The following PBX2 variants were observed in gnomAD, a reference collection of about 807,000 sequenced individuals.
PBX2 encodes the protein PBX homeobox 2.
PBX2 carries 10 observed loss-of-function variants against 46.5 expected under a neutral mutation model. The observed-to-expected ratio is 0.21, with a 90% confidence interval of 0.13 to 0.36. The LOEUF (loss-of-function observed/expected upper bound fraction) is 0.36. Ranked by LOEUF, PBX2 falls within the 10% of genes least tolerant of loss-of-function variation. PBX2 has a pLI of 1.00. For missense variants in PBX2, 392 were observed against 580.5 expected, an observed-to-expected ratio of 0.68 and a Z score of 3.34; for synonymous variants, 160 against 222.5, an observed-to-expected ratio of 0.72 and a Z score of 2.50.
Position 32,188,839 on chromosome 6 carries a change from T to G in PBX2, c.222-43A>C. 2 of 1,566,978 alleles carry G rather than the reference T, an allele frequency of 1.3e-6. No homozygotes were observed. Among genetic ancestry groups the G allele is most frequent in the South Asian group, 1.1e-5 (1 of 90,056 alleles). On this transcript the variant is annotated intron_variant, in intron 1 of 8. Coordinates refer to ENST00000375050, the MANE Select transcript of PBX2 (RefSeq NM_002586.5). This position sits in a 1 kb window ranked among gnomAD's most constrained non-coding sequence, Gnocchi z 6.5. Reference sequence around the variant, plus strand: ...TGGGGAAAGAGAAAAGTTGAGGAGCTAGAGAAACAGAGCAGGGGGCCTGAG... The same window carrying G: ...TGGGGAAAGAGAAAAGTTGAGGAGCGAGAGAAACAGAGCAGGGGGCCTGAG...
chr6:32,187,466 G>T lies in PBX2; in HGVS notation c.871-71C>A. ...GTCCTTCACTGAATAAGATGTGAGT[G>T]ACAGCATTTTTTTTTTTTTTGCTTC... is the stretch of plus-strand genomic sequence containing the variant. On this transcript the variant is annotated intron_variant, in intron 5 of 8. Coordinates refer to ENST00000375050, the MANE Select transcript of PBX2 (RefSeq NM_002586.5). This position sits in a 1 kb window ranked among gnomAD's most constrained non-coding sequence, Gnocchi z 7.7. 1 of 1,523,998 alleles carries T rather than the reference G, an allele frequency of 6.6e-7. No homozygotes were observed. Among genetic ancestry groups the T allele is most frequent in the South Asian group, 1.2e-5 (1 of 81,846 alleles). The allele number at this position is 1,523,998 out of a possible 1,614,324, so 94.4% of individuals were successfully genotyped here. A position where few individuals can be genotyped will look rare whatever the true frequency, so the allele number is the denominator to read the frequency against.
chr6:32,186,579 G>T lies in PBX2; in HGVS notation c.1200+25C>A. On this transcript the variant is annotated intron_variant, in intron 8 of 8. Transcript: ENST00000375050. This position sits in a 1 kb window ranked among gnomAD's most constrained non-coding sequence, Gnocchi z 4.2. ...CCCTCTGTCCTGTGAGAACTGGACAGAGAGGAGCTTCAGGATCCACTCACC... is the reference window on the plus strand; with the variant it reads ...CCCTCTGTCCTGTGAGAACTGGACATAGAGGAGCTTCAGGATCCACTCACC... The T allele has an allele frequency of 1.3e-6, 2 of 1,591,638 alleles. No individual in the cohort carries two copies. Among genetic ancestry groups the T allele is most frequent in the Non-Finnish European group, 1.7e-6 (2 of 1,159,468 alleles).
rs763787702 is a variant in PBX2 at position 32,187,318 on chromosome 6, A to G, written c.948T>C (p.Tyr316=). The G allele has an allele frequency of 6.8e-6, 11 of 1,613,076 alleles. No homozygotes were observed. In the South Asian group the frequency reaches 1.2e-4, roughly 18 times the overall value. The part of the protein sequence containing the change: ...IGKFQEEANI[Y]AVKTAVSVTQ... Reference sequence around the variant, plus strand: ...TGACTGACACGGCGGTCTTGACAGCATAGATGTTTGCCTCCTCTTGGAACT... The same window carrying G: ...TGACTGACACGGCGGTCTTGACAGCGTAGATGTTTGCCTCCTCTTGGAACT... Residue 316 remains tyrosine, a synonymous_variant, in exon 6 of 9, where the codon TAT becomes TAC. Transcript: ENST00000375050. This position sits in a 1 kb window ranked among gnomAD's most constrained non-coding sequence, Gnocchi z 7.7.
At position 32,186,671 on chromosome 6, in the gene PBX2, G is replaced by A. The variant is rs180946541; in HGVS notation, c.1133C>T (p.Ser378Leu). Residue 378 changes from serine to leucine, a missense_variant, in exon 8 of 9, where the codon TCG (serine) becomes TTG (leucine). Physicochemically the swap from Ser to Leu is moderately radical, Grantham distance 145. Coordinates refer to ENST00000375050, the MANE Select transcript of PBX2 (RefSeq NM_002586.5). This position sits in a 1 kb window ranked among gnomAD's most constrained non-coding sequence, Gnocchi z 4.2. ...SASQVESLRH[S>L]MGPGGYGDNL... The stretch of plus-strand genomic sequence containing the variant: ...ATCCCCATAGCCCCCTGGCCCCATC[G>A]AGTGTCGGAGTGATTCCACCTGCAG... 5.4e-5 allele frequency: 87 copies of A among 1,612,810 alleles called. No individual in the cohort carries two copies. In the East Asian group the frequency reaches 1.6e-3, roughly 29 times the overall value.
Position 32,189,834 on chromosome 6 carries a change from G to A in PBX2, c.82C>T (p.Pro28Ser). The A allele has an allele frequency of 6.3e-7, 1 of 1,579,374 alleles. No individual in the cohort carries two copies. Among genetic ancestry groups the A allele is most frequent in the Non-Finnish European group, 8.6e-7 (1 of 1,161,184 alleles). ...LGLVSGEPGG[P>S]GEPPGGGDPG... ...TCTCCGCCACCGGGAGGCTCGCCAG[G>A]GCCCCCAGGCTCCCCACTCACCAAT... Residue 28 changes from proline (P) to serine (S), a missense_variant, in exon 1 of 9, where the codon CCT becomes TCT. By Grantham distance (74) the Pro-to-Ser change is moderately conservative. Coordinates refer to ENST00000375050, the MANE Select transcript of PBX2 (RefSeq NM_002586.5). The surrounding 1 kb of genome is among the most constrained non-coding windows in gnomAD (Gnocchi z 4.7).
At position 32,188,855 on chromosome 6, in the gene PBX2, G is replaced by A. The variant is rs1787268645; in HGVS notation, c.222-59C>T. On this transcript the variant is annotated intron_variant, in intron 1 of 8. Coordinates refer to ENST00000375050, the MANE Select transcript of PBX2 (RefSeq NM_002586.5). The surrounding 1 kb of genome is among the most constrained non-coding windows in gnomAD (Gnocchi z 6.5). ...TTGAGGAGCTAGAGAAACAGAGCAG[G>A]GGGCCTGAGAACAAGGAGGGAGGAG... is the stretch of plus-strand genomic sequence containing the variant. 3.4e-6 allele frequency: 5 copies of A among 1,491,720 alleles called. No homozygotes were observed. The highest frequency in any genetic ancestry group is 4.7e-6 in the Non-Finnish European group (5 of 1,070,058). 92.4% of individuals were successfully genotyped at this position (1,491,720 alleles called of 1,614,324 possible).
rs1315881838 is a variant in PBX2, at chr6:32,189,579, A to C, written c.221+116T>G. 4.3e-6 allele frequency: 3 copies of C among 699,538 alleles called. No homozygotes were observed. The highest frequency in any genetic ancestry group is 1.9e-5 in the African/African-American group (1 of 53,582). 43.3% of individuals were successfully genotyped at this position (699,538 alleles called of 1,614,324 possible). Reference sequence around the variant, plus strand: ...ATGGGCTCCCAGGAATAAGGAGAGAAGAGAGCTGTTGGATCCTGGAGAGGG... The same window carrying C: ...ATGGGCTCCCAGGAATAAGGAGAGACGAGAGCTGTTGGATCCTGGAGAGGG... On this transcript the variant is annotated intron_variant, in intron 1 of 8. Coordinates refer to ENST00000375050, the MANE Select transcript of PBX2 (RefSeq NM_002586.5). The surrounding 1 kb of genome is among the most constrained non-coding windows in gnomAD (Gnocchi z 4.7).
chr6:32,188,124 G>A lies in PBX2; in HGVS notation c.576C>T (p.Asn192=), dbSNP rs1339445502. 1 of 1,589,476 alleles carries A rather than the reference G, an allele frequency of 6.3e-7. No homozygotes were observed. Among genetic ancestry groups the A allele is most frequent in the African/African-American group, 1.3e-5 (1 of 74,424 alleles). ...TGGTGCGGCTCTGCTCCCTCAGCAG[G>A]TTCATGACATGGGTCGTGAACTCAT... ...ACNEFTTHVM[N]LLREQSRTRP... Residue 192 remains asparagine (N), a synonymous_variant, in exon 4 of 9, where the codon AAC becomes AAT. Transcript: ENST00000375050. The surrounding 1 kb of genome is among the most constrained non-coding windows in gnomAD (Gnocchi z 6.5).
rs1787179868 is a variant in PBX2, at chr6:32,187,164, T to C, written c.1024+78A>G. On this transcript the variant is annotated intron_variant, in intron 6 of 8. Transcript: ENST00000375050. This position sits in a 1 kb window ranked among gnomAD's most constrained non-coding sequence, Gnocchi z 7.7. ...ACCCCAAAAGGCCCCCTCTCTGCTA[T>C]GATCCTGCCTAGATAGGAAGTGGGA... The C allele has an allele frequency of 2.5e-6, 4 of 1,577,130 alleles. No individual in the cohort carries two copies. The highest frequency in any genetic ancestry group is 3.4e-5 in the Admixed American group (2 of 58,566).
Position 32,186,039 on chromosome 6 carries a change from G to T in PBX2, c.*343C>A. ...ACAGAATAGTTGCAAGTGGGAGTAT[G>T]TGTGTGTGAGGTGTGGGAGAGGGAG... On this transcript the variant is annotated 3_prime_UTR_variant, in exon 9 of 9. Coordinates refer to ENST00000375050, the MANE Select transcript of PBX2 (RefSeq NM_002586.5). This position sits in a 1 kb window ranked among gnomAD's most constrained non-coding sequence, Gnocchi z 4.2. The T allele has an allele frequency of 3.4e-6, 1 of 295,896 alleles. No individual in the cohort carries two copies. The highest frequency in any genetic ancestry group is 5.7e-5 in the South Asian group (1 of 17,504). The allele number at this position is 295,896 out of a possible 1,614,324, so 18.3% of individuals were successfully genotyped here. A position where few individuals can be genotyped will look rare whatever the true frequency, so the allele number is the denominator to read the frequency against.
chr6:32,189,177 G>T lies in PBX2; in HGVS notation c.222-381C>A. 2.7e-6 allele frequency: 1 copy of T among 367,742 alleles called. No homozygotes were observed. The highest frequency in any genetic ancestry group is 5.1e-6 in the Non-Finnish European group (1 of 196,146). The allele number at this position is 367,742 out of a possible 1,614,324, so 22.8% of individuals were successfully genotyped here. Reference sequence around the variant, plus strand: ...GAGTTTGAGGTGGCAGAGTGGGGCTGGGGGTGCCGAGCTAACTGGGGAGAT... The same window carrying T: ...GAGTTTGAGGTGGCAGAGTGGGGCTTGGGGTGCCGAGCTAACTGGGGAGAT... On this transcript the variant is annotated intron_variant, in intron 1 of 8. Transcript: ENST00000375050. The surrounding 1 kb of genome is among the most constrained non-coding windows in gnomAD (Gnocchi z 4.7).
At position 32,187,154 on chromosome 6, in the gene PBX2, C is replaced by A; in HGVS notation, c.1024+88G>T. 6.5e-7 allele frequency: 1 copy of A among 1,540,802 alleles called. No homozygotes were observed. Among genetic ancestry groups the A allele is most frequent in the East Asian group, 2.3e-5 (1 of 43,794 alleles). Reference sequence around the variant, plus strand: ...GGTCCCTCTCACCCCAAAAGGCCCCCTCTCTGCTATGATCCTGCCTAGATA... The same window carrying A: ...GGTCCCTCTCACCCCAAAAGGCCCCATCTCTGCTATGATCCTGCCTAGATA... On this transcript the variant is annotated intron_variant, in intron 6 of 8. Coordinates refer to ENST00000375050, the MANE Select transcript of PBX2 (RefSeq NM_002586.5). This position sits in a 1 kb window ranked among gnomAD's most constrained non-coding sequence, Gnocchi z 7.7.
chr6:32,187,960 GC>G lies in PBX2; in HGVS notation c.734+5del. On this transcript the variant is annotated splice_donor_5th_base_variant and intron_variant, in intron 4 of 8. Transcript: ENST00000375050. The surrounding 1 kb of genome is among the most constrained non-coding windows in gnomAD (Gnocchi z 7.7). ...CTGGGGGCCAGCCTGGGGTCCCTGG[GC>G]CCACCTGGCATCCAGGAAACGGGAG... is the stretch of plus-strand genomic sequence containing the variant. The G allele has an allele frequency of 2.0e-6, 3 of 1,537,578 alleles. No homozygotes were observed. Among genetic ancestry groups the G allele is most frequent in the Non-Finnish European group, 2.6e-6 (3 of 1,138,264 alleles).
At position 32,185,657 on chromosome 6, in the gene PBX2, C is replaced by A. The variant is rs1051993; in HGVS notation, c.*725G>T. On this transcript the variant is annotated 3_prime_UTR_variant, in exon 9 of 9. Transcript: ENST00000375050. ...ACAACAACAAAAACAACAACAACAA[C>A]AAAAAAAACAGATGGATCCCAGGGT... 6,864 of 136,316 alleles carry A rather than the reference C, an allele frequency of 0.05. 351 individuals are homozygous for A. Among genetic ancestry groups the A allele is most frequent in the African/African-American group, 0.15 (5,026 of 32,582 alleles). 8.4% of individuals were successfully genotyped at this position (136,316 alleles called of 1,614,324 possible).
chr6:32,187,216 T>G lies in PBX2; in HGVS notation c.1024+26A>C. 1 of 1,579,776 alleles carries G rather than the reference T, an allele frequency of 6.3e-7. No individual in the cohort carries two copies. Among genetic ancestry groups the G allele is most frequent in the Non-Finnish European group, 8.6e-7 (1 of 1,167,536 alleles). Reference sequence around the variant, plus strand: ...CAAAAGCAGGAAGTGTGCAAAACAGTCAGCCGGGGTGACAGTGGGATCCAC... The same window carrying G: ...CAAAAGCAGGAAGTGTGCAAAACAGGCAGCCGGGGTGACAGTGGGATCCAC... On this transcript the variant is annotated intron_variant, in intron 6 of 8. Coordinates refer to ENST00000375050, the MANE Select transcript of PBX2 (RefSeq NM_002586.5). This position sits in a 1 kb window ranked among gnomAD's most constrained non-coding sequence, Gnocchi z 7.7.
rs1181786905 is a variant in PBX2 at position 32,189,621 on chromosome 6, G to GA, written c.221+73_221+74insT. The GA allele has an allele frequency of 3.5e-6, 4 of 1,133,816 alleles. No individual in the cohort carries two copies. In the South Asian group the frequency reaches 5.3e-5, roughly 15 times the overall value. 70.2% of individuals were successfully genotyped at this position (1,133,816 alleles called of 1,614,324 possible). On this transcript the variant is annotated intron_variant, in intron 1 of 8. Coordinates refer to ENST00000375050, the MANE Select transcript of PBX2 (RefSeq NM_002586.5). The surrounding 1 kb of genome is among the most constrained non-coding windows in gnomAD (Gnocchi z 4.7). ...TGGAGAGGGCCCTGGAGTTGGGGGG[G>GA]GCTCCCAGAAGATTCAGAACATGTG...
At position 32,185,763 on chromosome 6, in the gene PBX2, C is replaced by A. The variant is rs957040599; in HGVS notation, c.*619G>T. On this transcript the variant is annotated 3_prime_UTR_variant, in exon 9 of 9. Transcript: ENST00000375050. Reference sequence around the variant, plus strand: ...TCCCTAAAGTAGCAGAAACTCCCTCCGAGGTAGATATCTGAGTCAGACACT... The same window carrying A: ...TCCCTAAAGTAGCAGAAACTCCCTCAGAGGTAGATATCTGAGTCAGACACT... 6.6e-6 allele frequency: 1 copy of A among 152,188 alleles called. No homozygotes were observed. The highest frequency in any genetic ancestry group is 2.4e-5 in the African/African-American group (1 of 41,260). 9.4% of individuals were successfully genotyped at this position (152,188 alleles called of 1,614,324 possible). A position where few individuals can be genotyped will look rare whatever the true frequency, so the allele number is the denominator to read the frequency against.
rs527632670 is a variant in PBX2 at position 32,188,228 on chromosome 6, C to T, written c.543+29G>A. On this transcript the variant is annotated intron_variant, in intron 3 of 8. Coordinates refer to ENST00000375050, the MANE Select transcript of PBX2 (RefSeq NM_002586.5). The surrounding 1 kb of genome is among the most constrained non-coding windows in gnomAD (Gnocchi z 6.5). ...GGGATTCCCCTGCAAGAGCCCTTCC[C>T]TCCACCCACCCAAGCCTCCTCTCCT... 23 of 1,609,064 alleles carry T rather than the reference C, an allele frequency of 1.4e-5. No homozygotes were observed. In the East Asian group the frequency reaches 3.6e-4, roughly 25 times the overall value.
rs1489213999 is a variant in PBX2, at chr6:32,187,281, G to A, written c.985C>T (p.His329Tyr). 1.9e-6 allele frequency: 3 copies of A among 1,613,044 alleles called. No individual in the cohort carries two copies. The highest frequency in any genetic ancestry group is 1.7e-4 in the Middle Eastern group (1 of 6,052). The change falls in exon 6 of 9, where the codon CAC (histidine) becomes TAC (tyrosine). Residue 329 changes from histidine to tyrosine, a missense_variant. His to Tyr is a moderately conservative substitution (Grantham distance 83). Coordinates refer to ENST00000375050, the MANE Select transcript of PBX2 (RefSeq NM_002586.5). This position sits in a 1 kb window ranked among gnomAD's most constrained non-coding sequence, Gnocchi z 7.7. The stretch of plus-strand genomic sequence containing the variant: ...GGTGTCGGGGAGCTGGTGCGGCTGT[G>A]GCCCCCCTGGGTGACTGACACGGCG... ...KTAVSVTQGG[H>Y]SRTSSPTPPS... is the part of the protein sequence containing the mutation.
Sources: allele counts gnomAD v4.1 joint callset, GRCh38; gene constraint gnomAD v4.1.1; non-coding constraint Gnocchi (gnomAD v3.1); transcripts MANE v1.5; gene names NCBI Gene and HGNC (gene_info 2026-07-23, HGNC 2026-07-21).